KIRREL3: variants seen among roughly 807,000 people sequenced by gnomAD.
KIRREL3 encodes kin of IRRE-like protein 3.
Under a neutral mutation model 89.7 loss-of-function variants are expected in KIRREL3, and 36 were observed. The ratio of observed to expected loss-of-function variants is 0.40; its 90% confidence interval spans 0.31 to 0.53. The LOEUF is 0.53. KIRREL3 is among the 20% of genes least tolerant of loss of function. The pLI is 0.49. For synonymous variants in KIRREL3, 445 were observed against 441.4 expected (o/e 1.01, Z -0.10); for missense variants, 864 against 1,056.6 (o/e 0.82, Z 2.53).
At position 126,993,893 on chromosome 11, in the gene KIRREL3, T is replaced by C. The variant is rs886455891; in HGVS notation, c.55+6562A>G. Among the ~76,000 whole-genome samples the C allele has an allele frequency of 1.3e-5, 2 of 152,112 alleles. No homozygotes were observed. The highest frequency in any genetic ancestry group is 4.8e-5 in the African/African-American group (2 of 41,418). On this transcript the variant is annotated intron_variant, in intron 1 of 16. Transcript: ENST00000525144. This position sits in a 1 kb window ranked among gnomAD's most constrained non-coding sequence, Gnocchi z 6.1. The stretch of plus-strand genomic sequence containing the variant: ...CAGATTCCAGTTGTCCAGGCATAAG[T>C]TAAAAAGAATCTGCATAAGTTAAAA...
chr11:126,649,198 G>A (rs1422654446), intron 1 of KIRREL3, among the ~76,000 whole-genome samples: 1 of 152,106 alleles, frequency 6.6e-6, no homozygotes, highest in African/African-American at 2.4e-5. Context: ...CACAACACGT[G>A]GGAATTATTG....
At position 126,645,535 on chromosome 11, in the gene KIRREL3, A is replaced by G. The variant is rs980186290; in HGVS notation, c.56-82623T>C. On this transcript the variant is annotated intron_variant, in intron 1 of 16. Coordinates refer to ENST00000525144, the MANE Select transcript of KIRREL3 (RefSeq NM_032531.4). This position sits in a 1 kb window ranked among gnomAD's most constrained non-coding sequence, Gnocchi z 4.9. Reference sequence around the variant, plus strand: ...ATTCATGAGTAATAGCCGGGCATAAATCAGAATATGCACTTGAACTGGGCT... The same window carrying G: ...ATTCATGAGTAATAGCCGGGCATAAGTCAGAATATGCACTTGAACTGGGCT... Among the ~76,000 whole-genome samples the G allele has an allele frequency of 6.6e-6, 1 of 152,224 alleles. No individual in the cohort carries two copies. The highest frequency in any genetic ancestry group is 1.5e-5 in the Non-Finnish European group (1 of 68,034).
intron 1 of KIRREL3, among the ~76,000 whole-genome samples, chr11:126,714,357 C>T (rs1014960700): frequency 6.6e-6 from 1 of 152,212 alleles, no homozygotes; most frequent in Non-Finnish European, 1.5e-5. Flanking sequence ...GTGGCCCAGG[C>T]CGAGCCCTGA....
At position 126,523,298 on chromosome 11, in the gene KIRREL3, C is replaced by T. The variant is rs1425805623; in HGVS notation, c.284-1834G>A. Among the ~76,000 whole-genome samples the T allele has an allele frequency of 6.6e-6, 1 of 152,096 alleles. No homozygotes were observed. The highest frequency in any genetic ancestry group is 1.5e-5 in the Non-Finnish European group (1 of 68,022). On this transcript the variant is annotated intron_variant, in intron 3 of 16. Transcript: ENST00000525144. The surrounding 1 kb of genome is among the most constrained non-coding windows in gnomAD (Gnocchi z 4.9). ...GATCAGACTAGAGGAGCTTGAAGGC[C>T]CCTCTCACCACCATAAGTGAAGGTT...
chr11:126,765,747 A>G (rs1949803926), intron 1 of KIRREL3, among the ~76,000 whole-genome samples: 2 of 152,202 alleles, frequency 1.3e-5, no homozygotes, highest in South Asian at 4.1e-4. Context: ...AGAGTCCAAC[A>G]TAACTCACTC....
At chr11:126,582,478 C>A (rs1453202221) in intron 1 of KIRREL3, among the ~76,000 whole-genome samples, 1 of 152,160 alleles carries the variant, frequency 6.6e-6, no homozygotes, top group Non-Finnish European at 1.5e-5. Context: ...TCTGCTATAG[C>A]GGAAGAAAAT....
chr11:126,552,987 G>A (rs778941026), intron 2 of KIRREL3, among the ~76,000 whole-genome samples: 12 of 152,146 alleles, frequency 7.9e-5, no homozygotes, highest in Admixed American at 2.6e-4. Flanking sequence ...CTCTTCCCCA[G>A]ATCAGCCAGA....
Position 126,811,972 on chromosome 11 carries a change from G to C in KIRREL3, c.55+188483C>G, listed in dbSNP as rs1946053. Among the ~76,000 whole-genome samples the C allele has an allele frequency of 6.6e-6, 1 of 151,880 alleles. No individual in the cohort carries two copies. Among genetic ancestry groups the C allele is most frequent in the Non-Finnish European group, 1.5e-5 (1 of 67,990 alleles). On this transcript the variant is annotated intron_variant, in intron 1 of 16. Transcript: ENST00000525144. The surrounding 1 kb of genome is among the most constrained non-coding windows in gnomAD (Gnocchi z 4.3). Reference sequence around the variant, plus strand: ...ACAATCTCTGAATTCAGCCCTCCCCGTCCCCCAGCACTGGTATTGACATAC... The same window carrying C: ...ACAATCTCTGAATTCAGCCCTCCCCCTCCCCCAGCACTGGTATTGACATAC...
intron 1 of KIRREL3, among the ~76,000 whole-genome samples, chr11:126,737,583 A>AT (rs1247882329): frequency 2.6e-5 from 4 of 152,146 alleles, no homozygotes; most frequent in Non-Finnish European, 5.9e-5. Flanking sequence ...GATGGCAGTA[A>AT]TACCCGTGCT....
Position 126,802,384 on chromosome 11 carries a change from A to G in KIRREL3, c.55+198071T>C, listed in dbSNP as rs549369840. 2.0e-4 allele frequency among the ~76,000 whole-genome samples: 31 copies of G among 152,318 alleles called. 1 individual carries two copies. Among genetic ancestry groups the G allele is most frequent in the Admixed American group, 8.5e-4 (13 of 15,302 alleles). ...TCGCTATACTGAAGGTCTGTGAATA[A>G]TGGTGATCATTCAATGCCATTAATT... On this transcript the variant is annotated intron_variant, in intron 1 of 16. Transcript: ENST00000525144. This position sits in a 1 kb window ranked among gnomAD's most constrained non-coding sequence, Gnocchi z 5.2.
At chr11:126,552,982 C>T (rs773108139) in intron 2 of KIRREL3, among the ~76,000 whole-genome samples, 97 of 152,314 alleles carry the variant, frequency 6.4e-4, no homozygotes, top group Middle Eastern at 3.4e-3. Context: ...ACATCCTCTT[C>T]CCCAGATCAG....
chr11:126,584,064 G>T (rs1009361073), intron 1 of KIRREL3, among the ~76,000 whole-genome samples: 2 of 152,284 alleles, frequency 1.3e-5, no homozygotes, highest in African/African-American at 4.8e-5. Context: ...GCACAATCTG[G>T]TGGCTGCCCC....
intron 1 of KIRREL3, among the ~76,000 whole-genome samples, chr11:126,662,906 C>CTTTTTTTTTTTTTTTTTTTTTTT (rs756193928): frequency 2.2e-5 from 2 of 91,878 alleles, no homozygotes; most frequent in Non-Finnish European, 4.2e-5. Flanking sequence ...AAAGTCCTTT[C>CTTTTTTTTTTTTTTTTTTTTTTT]TTTTTTTTTT....
rs77899305 is a variant in KIRREL3, at chr11:126,551,095, G to T, written c.133+11740C>A. On this transcript the variant is annotated intron_variant, in intron 2 of 16. Coordinates refer to ENST00000525144, the MANE Select transcript of KIRREL3 (RefSeq NM_032531.4). This position sits in a 1 kb window ranked among gnomAD's most constrained non-coding sequence, Gnocchi z 4.9. ...CCTATGTTTACAGTTTATTCTAAAG[G>T]ATATTACAAAGAATACAGATGAAGA... Among the ~76,000 whole-genome samples, 1,971 of 152,260 alleles carry T rather than the reference G, an allele frequency of 0.013. 50 individuals carry two copies. The highest frequency in any genetic ancestry group is 0.044 in the African/African-American group (1,839 of 41,556).
chr11:126,948,289 CAT>C lies in KIRREL3; in HGVS notation c.55+52164_55+52165del. Among the ~76,000 whole-genome samples, 1 of 144,838 alleles carries C rather than the reference CAT, an allele frequency of 6.9e-6. No homozygotes were observed. The highest frequency in any genetic ancestry group is 2.4e-5 in the African/African-American group (1 of 41,000). On this transcript the variant is annotated intron_variant, in intron 1 of 16. Coordinates refer to ENST00000525144, the MANE Select transcript of KIRREL3 (RefSeq NM_032531.4). This position sits in a 1 kb window ranked among gnomAD's most constrained non-coding sequence, Gnocchi z 4.5. ...AAAGTTGGTCAAATTTCAAGAATAG[CAT>C]AAAAAAAAAACCTCTTTGGCCTGAA...
At position 126,907,493 on chromosome 11, in the gene KIRREL3, G is replaced by T. The variant is rs369437684; in HGVS notation, c.55+92962C>A. On this transcript the variant is annotated intron_variant, in intron 1 of 16. Transcript: ENST00000525144. ...TATAAGAAAAAGATGGCTTGCAGAC[G>T]CCAGGCCAGGCAAAGAGACTTTTTG... Among the ~76,000 whole-genome samples, 7 of 152,284 alleles carry T rather than the reference G, an allele frequency of 4.6e-5. No homozygotes were observed. In the East Asian group the frequency reaches 1.2e-3, roughly 25 times the overall value.
chr11:126,657,656 G>A (rs113728152), intron 1 of KIRREL3, among the ~76,000 whole-genome samples: 144 of 152,238 alleles, frequency 9.5e-4, no homozygotes, highest in Middle Eastern at 3.4e-3. Context: ...GAGACAGTCC[G>A]TCCCCAGCCC....
intron 1 of KIRREL3, among the ~76,000 whole-genome samples, chr11:126,580,739 C>G (rs1004410247): frequency 6.6e-6 from 1 of 152,048 alleles, no homozygotes. Flanking sequence ...GTCTTCTCCT[C>G]TGATTCAGGA....
At position 126,656,173 on chromosome 11, in the gene KIRREL3, T is replaced by TTCCCAG. The variant is rs1945128037; in HGVS notation, c.56-93262_56-93261insCTGGGA. ...TGTTCCCAGGAGCAATGTTTGCAGG[T>TTCCCAG]GAGTGAGGTCAGGGAGGGCTACAGA... is the stretch of plus-strand genomic sequence containing the variant. On this transcript the variant is annotated intron_variant, in intron 1 of 16. Transcript: ENST00000525144. The surrounding 1 kb of genome is among the most constrained non-coding windows in gnomAD (Gnocchi z 4.0). The TTCCCAG allele has an allele frequency of 2.2e-6, 1 of 456,036 alleles. No individual in the cohort carries two copies. Among genetic ancestry groups the TTCCCAG allele is most frequent in the African/African-American group, 2.0e-5 (1 of 50,054 alleles). The allele number at this position is 456,036 out of a possible 1,614,324, so 28.2% of individuals were successfully genotyped here. A position where few individuals can be genotyped will look rare whatever the true frequency, so the allele number is the denominator to read the frequency against.
Sources: gnomAD v4.1 joint callset for allele counts (sites outside exome capture counted in the v4.1 genomes callset) on GRCh38, gnomAD v4.1.1 for gene constraint, Gnocchi (gnomAD v3.1) non-coding constraint, MANE v1.5 for transcripts, NCBI Gene and HGNC (gene_info 2026-07-23, HGNC 2026-07-21) for gene names.